TMTC2: variants seen among roughly 807,000 people sequenced by gnomAD.
The protein encoded by TMTC2 is protein O-mannosyl-transferase TMTC2.
Under a neutral mutation model 82.4 loss-of-function variants are expected in TMTC2, and 43 were observed. The ratio of observed to expected loss-of-function variants is 0.52; its 90% confidence interval spans 0.41 to 0.67. The LOEUF is 0.67. Among genes scored for constraint, TMTC2 ranks in the 30% least tolerant of loss-of-function variants. The pLI is 0.00. For missense variants in TMTC2, 919 were observed against 1,012.4 expected, an observed-to-expected ratio of 0.91 and a Z score of 1.25; for synonymous variants, 408 against 381.9, an observed-to-expected ratio of 1.07 and a Z score of -0.80.
chr12:82,795,868 A>T (rs543327115), intron 1 of TMTC2, among the ~76,000 whole-genome samples: 39 of 152,302 alleles, frequency 2.6e-4, no homozygotes, highest in Non-Finnish European at 4.7e-4. Context: ...TTATCCAGTC[A>T]GTCTCCAGTG....
chr12:82,905,487 A>T (rs1474144194), intron 3 of TMTC2, among the ~76,000 whole-genome samples: 1 of 152,212 alleles, frequency 6.6e-6, no homozygotes, highest in Non-Finnish European at 1.5e-5. Context: ...CTTAAGTGCT[A>T]AAGGTTGTTT....
At chr12:82,931,800 A>G (rs1190542723) in intron 4 of TMTC2, among the ~76,000 whole-genome samples, 1 of 152,156 alleles carries the variant, frequency 6.6e-6, no homozygotes, top group Non-Finnish European at 1.5e-5. Context: ...TTCAGAAGGA[A>G]AGAGAACTGT....
In TMTC2 at chr12:82,835,326, T is replaced by A. The variant is rs563688713; in HGVS notation, c.84-21684T>A. On this transcript the variant is annotated intron_variant, in intron 1 of 11. Transcript: ENST00000321196. ...TCTATTGTATTTGTTTTCATTGATG[T>A]CTAAATTTGCACTGTATTTTGTTGT... 5.3e-5 allele frequency among the ~76,000 whole-genome samples: 8 copies of A among 152,348 alleles called. No individual in the cohort carries two copies. In the East Asian group the frequency reaches 1.2e-3, roughly 22 times the overall value.
intron 8 of TMTC2, among the ~76,000 whole-genome samples, chr12:83,001,164 C>T (rs1879903738): frequency 6.6e-6 from 1 of 152,128 alleles, no homozygotes; most frequent in African/African-American, 2.4e-5. Flanking sequence ...TTCGGCTCCT[C>T]GTTACTTATG....
chr12:82,783,290 C>CTGTGTGTGTGTGTGTGTGTGTG (rs72110651), intron 1 of TMTC2, among the ~76,000 whole-genome samples: 1 of 119,274 alleles, frequency 8.4e-6, no homozygotes, highest in African/African-American at 3.2e-5. Context: ...GTATATGCCT[C>CTGTGTGTGTGTGTGTGTGTGTG]TGTGTGTGTG....
At chr12:82,887,024 T>C (rs1300596240) in intron 2 of TMTC2, among the ~76,000 whole-genome samples, 1 of 152,218 alleles carries the variant, frequency 6.6e-6, no homozygotes, top group Non-Finnish European at 1.5e-5. Flanking sequence ...TATGTCTGGA[T>C]AGCCTTTTCT....
chr12:82,812,733 A>G (rs1395404231), intron 1 of TMTC2, among the ~76,000 whole-genome samples: 2 of 151,794 alleles, frequency 1.3e-5, no homozygotes, highest in Non-Finnish European at 2.9e-5. Flanking sequence ...TCCCTCTTCC[A>G]TTTTCTTTTG....
In TMTC2 at chr12:82,690,409, A is replaced by C. The variant is rs17009851; in HGVS notation, c.83+2740A>C. 3 of 984,244 alleles carry C rather than the reference A, an allele frequency of 3.0e-6. No individual in the cohort carries two copies. The African/African-American group carries it at 5.2e-5, about 17-fold the overall frequency. The allele number at this position is 984,244 out of a possible 1,614,324, so 61.0% of individuals were successfully genotyped here. A position where few individuals can be genotyped will look rare whatever the true frequency, so the allele number is the denominator to read the frequency against. ...GCTGTTATTCCTGACTTGCTTAACT[A>C]AATCATTATTGCTGTGGTACTTCTC... is the stretch of plus-strand genomic sequence containing the variant. On this transcript the variant is annotated intron_variant, in intron 1 of 11. Transcript: ENST00000321196.
chr12:82,718,880 AAACAT>A (rs2136923207), intron 1 of TMTC2, among the ~76,000 whole-genome samples: 1 of 151,888 alleles, frequency 6.6e-6, no homozygotes, highest in Non-Finnish European at 1.5e-5. Context: ...TAAACAGATT[AAACAT>A]AGGATTTAGG....
intron 8 of TMTC2, among the ~76,000 whole-genome samples, chr12:83,021,226 C>G (rs1592698878): frequency 6.6e-6 from 1 of 152,012 alleles, no homozygotes; most frequent in East Asian, 1.9e-4. Flanking sequence ...TTCCAGTATT[C>G]TTATGTCTTG....
At chr12:82,834,144 A>G (rs991793699) in intron 1 of TMTC2, among the ~76,000 whole-genome samples, 1 of 152,342 alleles carries the variant, frequency 6.6e-6, no homozygotes, top group South Asian at 2.1e-4. Context: ...GGCAAAACAT[A>G]TTAACAATAA....
chr12:83,111,519 A>G (rs1212037489), intron 11 of TMTC2, among the ~76,000 whole-genome samples: 1 of 152,226 alleles, frequency 6.6e-6, no homozygotes, highest in Non-Finnish European at 1.5e-5. Flanking sequence ...AAGGGTCAGC[A>G]GGGGGCCAGA....
At chr12:83,130,576 G>C (rs1001709383) in intron 11 of TMTC2, among the ~76,000 whole-genome samples, 1 of 152,172 alleles carries the variant, frequency 6.6e-6, no homozygotes, top group African/African-American at 2.4e-5. Context: ...ATGCCCAGTA[G>C]TTGAAGATTT....
intron 8 of TMTC2, among the ~76,000 whole-genome samples, chr12:83,009,496 T>C (rs1436060485): frequency 6.6e-6 from 1 of 152,170 alleles, no homozygotes; most frequent in African/African-American, 2.4e-5. Flanking sequence ...ATCTCCTTTC[T>C]CTCCACATTG....
At position 82,974,179 on chromosome 12, in the gene TMTC2, G is replaced by T. The variant is rs111891763; in HGVS notation, c.1948+7182G>T. On this transcript the variant is annotated intron_variant, in intron 7 of 11. Coordinates refer to ENST00000321196, the MANE Select transcript of TMTC2 (RefSeq NM_152588.3). ...AGCCCAGGAGTTCGAGACCAGCCTGGTCAACATGGAGAGACTCCATCTCTA... is the reference window on the plus strand; with the variant it reads ...AGCCCAGGAGTTCGAGACCAGCCTGTTCAACATGGAGAGACTCCATCTCTA... 7.1e-3 allele frequency among the ~76,000 whole-genome samples: 1,083 copies of T among 152,192 alleles called. 20 individuals carry two copies. Among genetic ancestry groups the T allele is most frequent in the African/African-American group, 0.025 (1,042 of 41,530 alleles).
chr12:83,113,955 A>G (rs1884676331), intron 11 of TMTC2, among the ~76,000 whole-genome samples: 1 of 152,266 alleles, frequency 6.6e-6, no homozygotes, highest in South Asian at 2.1e-4. Flanking sequence ...ATACTTCTTC[A>G]TATTCATTCT....
At chr12:83,013,504 G>A (rs996079994) in intron 8 of TMTC2, among the ~76,000 whole-genome samples, 1 of 152,024 alleles carries the variant, frequency 6.6e-6, no homozygotes, top group Admixed American at 6.6e-5. Context: ...GCTATCTGCT[G>A]GATATAATGC....
At chr12:82,942,120 T>G (rs1876756588) in intron 4 of TMTC2, among the ~76,000 whole-genome samples, 2 of 152,210 alleles carry the variant, frequency 1.3e-5, no homozygotes, top group Non-Finnish European at 1.5e-5. Flanking sequence ...CTACCAAACC[T>G]TGGATATATT....
At chr12:83,020,108 TTGAG>T (rs1185944177) in intron 8 of TMTC2, among the ~76,000 whole-genome samples, 6 of 152,340 alleles carry the variant, frequency 3.9e-5, no homozygotes, top group African/African-American at 9.6e-5. Flanking sequence ...GAAACCTTCC[TTGAG>T]TATTTCCACT....
Sources: allele counts gnomAD v4.1 joint callset (sites outside exome capture counted in the v4.1 genomes callset), GRCh38; gene constraint gnomAD v4.1.1; transcripts MANE v1.5; gene names NCBI Gene and HGNC (gene_info 2026-07-23, HGNC 2026-07-21).